PAK6: variants seen among roughly 807,000 people sequenced by gnomAD.
PAK6 encodes the protein serine/threonine-protein kinase PAK 6.
Under a neutral mutation model 60.8 loss-of-function variants are expected in PAK6, and 33 were observed. The ratio of observed to expected loss-of-function variants is 0.54; its 90% CI spans 0.41 to 0.73. The LOEUF (loss-of-function observed/expected upper bound fraction) is 0.73. PAK6 is among the 30% of genes least tolerant of loss of function. The pLI is 0.00. For synonymous variants in PAK6, 404 were observed against 378.5 expected, an observed-to-expected ratio of 1.07 and a Z score of -0.78; for missense variants, 845 against 904.1, an observed-to-expected ratio of 0.93 and a Z score of 0.84.
At chr15:40,275,854 A>G (rs2039441078) in intron 10 of PAK6, 73 bp from the exon 11 acceptor site, 24 of 1,400,104 alleles carry the variant, frequency 1.7e-5, no homozygotes, top group Admixed American at 2.0e-5. Flanking sequence ...TCAAACAATG[A>G]TAAGTCCAGG....
chr15:40,272,389 C>A (rs371395174), exon 6 of PAK6: 3 of 1,613,652 alleles, frequency 1.9e-6, no homozygotes, highest in South Asian at 1.1e-5. Flanking sequence ...CACAGGCCAG[C>A]TTCCAGGCCG....
At chr15:40,272,100 T>C (rs2039319478) in intron 5 of PAK6, 124 bp from the exon 6 acceptor site, 4 of 1,067,280 alleles carry the variant, frequency 3.7e-6, no homozygotes, top group Non-Finnish European at 5.5e-6. Context: ...CCTCCCTAGT[T>C]TGATCTGATA....
At chr15:40,252,348 TC>T in intron 2 of PAK6, 1 of 1,291,598 alleles carries the variant, frequency 7.7e-7, no homozygotes, top group Non-Finnish European at 1.0e-6. Context: ...CGCAGGCAGG[TC>T]CCCGCGGCTG....
intron 5 of PAK6, among the ~76,000 whole-genome samples, chr15:40,269,473 T>C (rs2039241491): frequency 6.6e-6 from 1 of 152,264 alleles, no homozygotes; most frequent in South Asian, 2.1e-4. Context: ...AGTGGCTTTC[T>C]TCCCAAGAGG....
intron 4 of PAK6, among the ~76,000 whole-genome samples, chr15:40,265,508 G>A (rs1012476245): frequency 1.3e-5 from 2 of 151,688 alleles, no homozygotes; most frequent in Non-Finnish European, 2.9e-5. Context: ...CCAGCCACCC[G>A]TGGAGCTAGA....
chr15:40,252,314 G>T, intron 2 of PAK6: 2 of 1,244,316 alleles, frequency 1.6e-6, no homozygotes, highest in Non-Finnish European at 2.1e-6. Context: ...GGGTCTCCGC[G>T]AGGCGGCCAC....
chr15:40,243,584 C>A lies in PAK6; in HGVS notation c.-118+2903C>A, dbSNP rs958091276. On this transcript the variant is annotated intron_variant, in intron 2 of 10. Transcript: ENST00000560346. The stretch of plus-strand genomic sequence containing the variant: ...CAGAGGAACAAAGTGCCAGGAGAGA[C>A]CATACCTTGTTCGGGGGAATCAGGA... Among the ~76,000 whole-genome samples, 5 of 152,154 alleles carry A rather than the reference C, an allele frequency of 3.3e-5. No individual in the cohort carries two copies. In the East Asian group the frequency reaches 9.6e-4, roughly 29 times the overall value.
chr15:40,261,521 A>G (rs2038985671), intron 3 of PAK6, among the ~76,000 whole-genome samples: 1 of 152,094 alleles, frequency 6.6e-6, no homozygotes, highest in African/African-American at 2.4e-5. Flanking sequence ...CGGGCAAGAC[A>G]GCGAGACTCC....
At chr15:40,262,538 A>G (rs961344258) in intron 3 of PAK6, among the ~76,000 whole-genome samples, 2 of 152,124 alleles carry the variant, frequency 1.3e-5, no homozygotes, top group Non-Finnish European at 2.9e-5. Context: ...AAACAACAAC[A>G]AAAAAGGCAA....
chr15:40,252,355 G>A (rs1394484580), intron 2 of PAK6: 2 of 1,299,004 alleles, frequency 1.5e-6, no homozygotes, highest in Non-Finnish European at 1.0e-6. Context: ...AGGTCCCCGC[G>A]GCTGTGGCCA....
chr15:40,273,646 A>G (rs552754275), exon 9 of PAK6: 2 of 1,614,068 alleles, frequency 1.2e-6, no homozygotes, highest in Admixed American at 3.3e-5. Flanking sequence ...TGGCTCCTGA[A>G]GTGATCTCCA....
chr15:40,263,008 G>T (rs1168077101), intron 3 of PAK6, among the ~76,000 whole-genome samples: 1 of 152,190 alleles, frequency 6.6e-6, no homozygotes, highest in African/African-American at 2.4e-5. Context: ...GGTGGATCCC[G>T]AACCTCAAGA....
chr15:40,240,003 A>T (rs2038273991), intron 1 of PAK6: 1 of 152,738 alleles, frequency 6.5e-6, no homozygotes, highest in Admixed American at 6.5e-5. Flanking sequence ...GACGCCAGAC[A>T]CACGGCCTGA....
At chr15:40,272,346 C>A in exon 6 of PAK6, 1 of 1,613,894 alleles carries the variant, frequency 6.2e-7, no homozygotes, top group Non-Finnish European at 8.5e-7. Context: ...CGGATACCAG[C>A]AGCCCCCAGA....
At chr15:40,249,070 C>T (rs1036606213) in intron 2 of PAK6, among the ~76,000 whole-genome samples, 11 of 152,140 alleles carry the variant, frequency 7.2e-5, no homozygotes, top group African/African-American at 2.4e-4. Context: ...CTGGCAGATC[C>T]GGTGTCTGGT....
chr15:40,269,171 A>G (rs2039232166), intron 5 of PAK6, among the ~76,000 whole-genome samples: 1 of 152,066 alleles, frequency 6.6e-6, no homozygotes, highest in Non-Finnish European at 1.5e-5. Flanking sequence ...GGCACGCTCC[A>G]CCATACCCAA....
At chr15:40,257,454 G>A (rs193102114) in intron 3 of PAK6, among the ~76,000 whole-genome samples, 25 of 152,184 alleles carry the variant, frequency 1.6e-4, no homozygotes, top group African/African-American at 5.8e-4. Context: ...AGGTCTGGAG[G>A]GTCAGGTGGG....
chr15:40,240,958 C>T (rs1211513109), intron 2 of PAK6, among the ~76,000 whole-genome samples: 5 of 152,218 alleles, frequency 3.3e-5, no homozygotes, highest in African/African-American at 1.2e-4. Flanking sequence ...GCCACCGGGA[C>T]ACCCCTATCC....
intron 2 of PAK6, chr15:40,252,723 G>A (rs777975342): frequency 7.7e-7 from 1 of 1,303,334 alleles, no homozygotes; most frequent in Non-Finnish European, 1.0e-6. Context: ...GAGGTTCGCG[G>A]CGAGAGGACG....
Sources: gnomAD v4.1 joint callset for allele counts (sites outside exome capture counted in the v4.1 genomes callset) on GRCh38, gnomAD v4.1.1 for gene constraint, MANE v1.5 for transcripts, NCBI Gene and HGNC (gene_info 2026-07-23, HGNC 2026-07-21) for gene names.